DCHS1: variants seen among roughly 807,000 people sequenced by gnomAD.
DCHS1 encodes the protein protocadherin-16.
A neutral mutation model predicts 213.9 loss-of-function variants in DCHS1; 78 were observed. That is an observed-to-expected ratio of 0.36 (90% CI 0.30 to 0.44). The LOEUF (loss-of-function observed/expected upper bound fraction) is 0.44. Ranked by LOEUF, DCHS1 falls within the 20% of genes least tolerant of loss-of-function variation. The pLI is 1.00. For synonymous variants in DCHS1, 1,828 were observed against 1,873.7 expected, an observed-to-expected ratio of 0.98 and a Z score of 0.63; for missense variants, 3,946 against 4,395.9, an observed-to-expected ratio of 0.90 and a Z score of 2.89.
chr11:6,629,318 G>C (rs1296194540), intron 12 of DCHS1, 134 bp downstream of exon 12: 1 of 1,280,360 alleles, frequency 7.8e-7, no homozygotes, highest in Non-Finnish European at 1.1e-6. Flanking sequence ...TCCCCAAAAG[G>C]GTCCAAAAAC....
At position 6,640,834 on chromosome 11, in the gene DCHS1, G is replaced by A. The variant is rs144400127; in HGVS notation, c.780C>T (p.Tyr260=). Residue 260 remains tyrosine, a synonymous_variant, in exon 2 of 21, where the codon TAC becomes TAT. Coordinates refer to ENST00000299441, the MANE Select transcript of DCHS1 (RefSeq NM_003737.4). This position sits in a 1 kb window ranked among gnomAD's most constrained non-coding sequence, Gnocchi z 6.5. ...CCAGGCTCTCAGACACCACAGCATG[G>A]TAGCGGCTCTGATTGAAAGCCGGGG... ...DHAPAFNQSR[Y]HAVVSESLAP... is the part of the protein sequence containing the mutation. The A allele has an allele frequency of 2.5e-6, 4 of 1,614,068 alleles. No homozygotes were observed. Among genetic ancestry groups the A allele is most frequent in the Non-Finnish European group, 2.5e-6 (3 of 1,179,896 alleles).
chr11:6,652,036 A>G (rs1180328839), intron 1 of DCHS1, among the ~76,000 whole-genome samples: 4 of 152,228 alleles, frequency 2.6e-5, no homozygotes, highest in African/African-American at 9.6e-5. Flanking sequence ...GTGAGACAAT[A>G]AGAAGGTCCA....
rs1200370785 is a variant in DCHS1, at chr11:6,624,834, G to A, written c.7181C>T (p.Ala2394Val). The A allele has an allele frequency of 6.2e-7, 1 of 1,613,898 alleles. No individual in the cohort carries two copies. The highest frequency in any genetic ancestry group is 1.7e-5 in the Admixed American group (1 of 60,016). The change falls in exon 20 of 21, where the codon GCC becomes GTC. Residue 2394 changes from alanine to valine, a missense_variant. Physicochemically the swap from Ala to Val is moderately conservative, Grantham distance 64. Around this residue, in one of 3 missense-constraint regions of DCHS1, gnomAD observed 3,384 missense variants for 3,780.1 expected, o/e 0.90. Transcript: ENST00000299441. ...MLLEHTPPGSAILSVSATDRD... is the reference protein window; with the variant it reads ...MLLEHTPPGSVILSVSATDRD... ...ATCAGTGGCAGAGACGGAGAGAATG[G>A]CACTGCCTGGGGGTGTGTGCTCAAG... is the stretch of plus-strand genomic sequence containing the variant.
Position 6,640,054 on chromosome 11 carries a change from C to A in DCHS1, c.1560G>T (p.Trp520Cys). The A allele has an allele frequency of 6.2e-7, 1 of 1,613,980 alleles. No individual in the cohort carries two copies. The highest frequency in any genetic ancestry group is 8.5e-7 in the Non-Finnish European group (1 of 1,179,880). ...TGCCTGAGGTGGGGTCAATGGAGAA[C>A]CAGTGGGTGTGGGCGCCAGGGGCTA... ...YSLAPGAHTH[W>C]FSIDPTSGII... Residue 520 changes from tryptophan (W) to cysteine (C), a missense_variant, in exon 2 of 21, where the codon TGG becomes TGT. By Grantham distance (215) the Trp-to-Cys change is radical (BLOSUM62 -2). Around this residue, in one of 3 missense-constraint regions of DCHS1, gnomAD observed 3,384 missense variants for 3,780.1 expected, o/e 0.90. Transcript: ENST00000299441. This position sits in a 1 kb window ranked among gnomAD's most constrained non-coding sequence, Gnocchi z 6.5.
At chr11:6,651,249 G>C (rs71472605) in intron 1 of DCHS1, among the ~76,000 whole-genome samples, 4,788 of 152,292 alleles carry the variant, frequency 0.031, 124 homozygotes, top group Non-Finnish European at 0.049. Flanking sequence ...TATGAGGAAG[G>C]GAAGGGATAA....
rs146086570 is a variant in DCHS1 at position 6,634,007 on chromosome 11, G to C, written c.2000C>G (p.Ser667Cys). The C allele has an allele frequency of 1.3e-4, 203 of 1,613,760 alleles. 1 individual carries two copies. Among genetic ancestry groups the C allele is most frequent in the Non-Finnish European group, 1.6e-4 (192 of 1,179,844 alleles). The change falls in exon 4 of 21, where the codon TCC becomes TGC. Residue 667 changes from serine to cysteine, a missense_variant. Physicochemically the swap from Ser to Cys is moderately radical, Grantham distance 112. Transcript: ENST00000299441. ...VTAVDGGGLKSMVYVKVFLSD... is the reference protein window; with the variant it reads ...VTAVDGGGLKCMVYVKVFLSD... ...CAGAAACACCTTCACATATACCATG[G>C]ACTTGAGGCCTCCCTGGTGGGACAT...
chr11:6,634,229 T>G lies in DCHS1; in HGVS notation c.1875A>C (p.Gly625=). ...YSLGAGLGSS[G]SPPFRIDAHS... is the part of the protein sequence containing the mutation. ...GGGCATCAATGCGGAATGGGGGAGA[T>G]CCGGAGGACCCAAGTCCAGCACCCA... The change falls in exon 3 of 21, where the codon GGA becomes GGC. Residue 625 remains glycine (G), a synonymous_variant. Transcript: ENST00000299441. 1 of 1,613,830 alleles carries G rather than the reference T, an allele frequency of 6.2e-7. No homozygotes were observed. Among genetic ancestry groups the G allele is most frequent in the Non-Finnish European group, 8.5e-7 (1 of 1,179,820 alleles).
In DCHS1 at chr11:6,628,505, C is replaced by G. The variant is rs938875143; in HGVS notation, c.5371+116G>C. On this transcript the variant is annotated intron_variant, in intron 13 of 20. Coordinates refer to ENST00000299441, the MANE Select transcript of DCHS1 (RefSeq NM_003737.4). This position sits in a 1 kb window ranked among gnomAD's most constrained non-coding sequence, Gnocchi z 4.3. ...GTATAAGCATGAAAGAAAAGGTGGA[C>G]GACATCAAGAGGGAAAAGGAGACCC... The G allele has an allele frequency of 8.8e-7, 1 of 1,140,702 alleles. No homozygotes were observed. Among genetic ancestry groups the G allele is most frequent in the Non-Finnish European group, 1.3e-6 (1 of 777,208 alleles). The allele number at this position is 1,140,702 out of a possible 1,614,324, so 70.7% of individuals were successfully genotyped here.
At chr11:6,653,354 G>C (rs543127581) in intron 1 of DCHS1, among the ~76,000 whole-genome samples, 2 of 152,300 alleles carry the variant, frequency 1.3e-5, no homozygotes, top group Admixed American at 1.3e-4. Flanking sequence ...CACTGGCCTA[G>C]GTTACTCTGC....
rs1855798112 is a variant in DCHS1, at chr11:6,626,147, A to G, written c.6576+22T>C. ...CTGACTAGCCCTGCTCCCCCGCCCAATCTTTCCATCACACCCCGCACCTGC... is the reference window on the plus strand; with the variant it reads ...CTGACTAGCCCTGCTCCCCCGCCCAGTCTTTCCATCACACCCCGCACCTGC... On this transcript the variant is annotated intron_variant, in intron 16 of 20. Coordinates refer to ENST00000299441, the MANE Select transcript of DCHS1 (RefSeq NM_003737.4). The surrounding 1 kb of genome is among the most constrained non-coding windows in gnomAD (Gnocchi z 5.2). The G allele has an allele frequency of 4.4e-6, 7 of 1,597,472 alleles. No homozygotes were observed. Among genetic ancestry groups the G allele is most frequent in the African/African-American group, 1.3e-5 (1 of 74,494 alleles).
Position 6,630,657 on chromosome 11 carries a change from G to A in DCHS1, c.4137C>T (p.Phe1379=), listed in dbSNP as rs554362983. ...LVGGADPEGT[F]ALDAASGRLY... ...AGCGCCCTGAGGCCGCATCCAGCGC[G>A]AAGGTGCCCTCGGGATCGGCACCGC... Residue 1379 remains phenylalanine, a synonymous_variant, in exon 10 of 21, where the codon TTC becomes TTT. Coordinates refer to ENST00000299441, the MANE Select transcript of DCHS1 (RefSeq NM_003737.4). The A allele has an allele frequency of 3.5e-5, 54 of 1,537,324 alleles. No individual in the cohort carries two copies. In the South Asian group the frequency reaches 5.7e-4, roughly 16 times the overall value.
Position 6,623,103 on chromosome 11 carries a change from T to A in DCHS1, c.8573A>T (p.Tyr2858Phe), listed in dbSNP as rs1391104615. 3 of 1,603,484 alleles carry A rather than the reference T, an allele frequency of 1.9e-6. No individual in the cohort carries two copies. Among genetic ancestry groups the A allele is most frequent in the Middle Eastern group, 3.3e-4 (2 of 6,068 alleles). ...TCCTGTAGTCTGGTTAATACCAAAA[T>A]AGGGGGAAGAGGTGGCAAGGGAATA... is the stretch of plus-strand genomic sequence containing the variant. ...VLYSLATSSP[Y>F]FGINQTTGAL... The change falls in exon 21 of 21, where the codon TAT becomes TTT. Residue 2858 changes from tyrosine (Y) to phenylalanine (F), a missense_variant. Tyr to Phe is a conservative substitution (Grantham distance 22). Coordinates refer to ENST00000299441, the MANE Select transcript of DCHS1 (RefSeq NM_003737.4).
At chr11:6,654,942 A>C (rs991937299) in intron 1 of DCHS1, among the ~76,000 whole-genome samples, 4 of 151,978 alleles carry the variant, frequency 2.6e-5, no homozygotes, top group Non-Finnish European at 5.9e-5. Flanking sequence ...GGTATCCCAG[A>C]CACAAACTCC....
In DCHS1 at chr11:6,630,308, T is replaced by A; in HGVS notation, c.4486A>T (p.Ser1496Cys). ...LRLDARTGAL[S>C]APRGLDRETT... is the part of the protein sequence containing the mutation. Reference sequence around the variant, plus strand: ...TCTCGGTCCAGGCCGCGCGGAGCGCTGAGCGCCCCGGTGCGCGCGTCCAGG... The same window carrying A: ...TCTCGGTCCAGGCCGCGCGGAGCGCAGAGCGCCCCGGTGCGCGCGTCCAGG... Residue 1496 changes from serine (S) to cysteine (C), a missense_variant, in exon 10 of 21, where the codon AGC becomes TGC. By Grantham distance (112) the Ser-to-Cys change is moderately radical. Around this residue, in one of 3 missense-constraint regions of DCHS1, gnomAD observed 3,384 missense variants for 3,780.1 expected, o/e 0.90. Transcript: ENST00000299441. The A allele has an allele frequency of 7.1e-7, 1 of 1,411,618 alleles. No individual in the cohort carries two copies. Among genetic ancestry groups the A allele is most frequent in the South Asian group, 1.4e-5 (1 of 69,218 alleles). The allele number at this position is 1,411,618 out of a possible 1,614,324, so 87.4% of individuals were successfully genotyped here.
At chr11:6,639,467 G>A (rs1233579508) in intron 2 of DCHS1, among the ~76,000 whole-genome samples, 1 of 152,194 alleles carries the variant, frequency 6.6e-6, no homozygotes, top group African/African-American at 2.4e-5. Context: ...AAATTCTGGT[G>A]TCTTCTTTGG....
At position 6,624,832 on chromosome 11, in the gene DCHS1, T is replaced by C; in HGVS notation, c.7183A>G (p.Ile2395Val). 6.2e-7 allele frequency: 1 copy of C among 1,613,904 alleles called. No homozygotes were observed. The highest frequency in any genetic ancestry group is 1.6e-4 in the Middle Eastern group (1 of 6,062). The change falls in exon 20 of 21, where the codon ATT becomes GTT. Residue 2395 changes from isoleucine to valine, a missense_variant. By Grantham distance (29) the Ile-to-Val change is conservative. Around this residue, in one of 3 missense-constraint regions of DCHS1, gnomAD observed 3,384 missense variants for 3,780.1 expected, o/e 0.90. Coordinates refer to ENST00000299441, the MANE Select transcript of DCHS1 (RefSeq NM_003737.4). ...CGATCAGTGGCAGAGACGGAGAGAA[T>C]GGCACTGCCTGGGGGTGTGTGCTCA... The part of the protein sequence containing the change: ...LLEHTPPGSA[I>V]LSVSATDRDS...
In DCHS1 at chr11:6,630,238, G is replaced by C; in HGVS notation, c.4556C>G (p.Pro1519Arg). The change falls in exon 10 of 21, where the codon CCC becomes CGC. Residue 1519 changes from proline to arginine, a missense_variant. Around this residue, in one of 3 missense-constraint regions of DCHS1, gnomAD observed 3,384 missense variants for 3,780.1 expected, o/e 0.90. Transcript: ENST00000299441. Reference protein sequence around the residue: ...LLLLVEATDRPANASRRRAAR... With the variant: ...LLLLVEATDRRANASRRRAAR... ...TGCACGACGGCGGCTGGCGTTGGCG[G>C]GCCGGTCGGTGGCTTCCACCAGCAG... 6.4e-7 allele frequency: 1 copy of C among 1,550,952 alleles called. No individual in the cohort carries two copies. The highest frequency in any genetic ancestry group is 8.7e-7 in the Non-Finnish European group (1 of 1,151,074).
chr11:6,637,516 C>A (rs886481090), intron 2 of DCHS1, among the ~76,000 whole-genome samples: 1 of 152,094 alleles, frequency 6.6e-6, no homozygotes, highest in African/African-American at 2.4e-5. Context: ...TCCCTGCAGT[C>A]TCATCTCCCA....
At chr11:6,634,862 C>T (rs975747744) in intron 2 of DCHS1, 1 of 152,216 alleles carries the variant, frequency 6.6e-6, no homozygotes, top group Non-Finnish European at 1.5e-5. Context: ...AGAACATCGT[C>T]TTGTTCACCC....
Sources: gnomAD v4.1 joint callset for allele counts (sites outside exome capture counted in the v4.1 genomes callset) on GRCh38, gnomAD v4.1.1 for gene constraint, gnomAD v4.1.1 regional missense constraint, Gnocchi (gnomAD v3.1) non-coding constraint, MANE v1.5 for transcripts, NCBI Gene and HGNC (gene_info 2026-07-23, HGNC 2026-07-21) for gene names.